NAA11: variants seen among roughly 807,000 people sequenced by gnomAD.
NAA11 encodes N-alpha-acetyltransferase 11.
In NAA11, 15 loss-of-function variants were observed where a neutral mutation model predicts 16.1. That is an observed-to-expected ratio of 0.93 (90% confidence interval 0.62 to 1.44). NAA11 has a LOEUF of 1.44. Ranked by LOEUF, NAA11 falls within the 40% of genes most tolerant of loss-of-function variation. The pLI, the probability that NAA11 is intolerant of heterozygous loss-of-function variation, is 0.00. For synonymous variants in NAA11, 122 were observed against 112.4 expected, an observed-to-expected ratio of 1.09 and a Z score of -0.54; for missense variants, 298 against 291.3, an observed-to-expected ratio of 1.02 and a Z score of -0.17.
At chr4:79,303,074 T>TTTTATATATATATA (rs1319306399) in intron 1 of NAA11, among the ~76,000 whole-genome samples, 3 of 72,284 alleles carry the variant, frequency 4.2e-5, no homozygotes, top group African/African-American at 2.2e-4. Flanking sequence ...TCTTGAGGCC[T>TTTTATATATATATA]TTTATATATA....
At chr4:79,243,136 A>G (rs1374717724) in intron 2 of NAA11, among the ~76,000 whole-genome samples, 1 of 152,214 alleles carries the variant, frequency 6.6e-6, no homozygotes, top group African/African-American at 2.4e-5. Context: ...AGATGCATAC[A>G]TGGTAGAGAG....
rs140597117 is a variant in NAA11 at position 79,226,887 on chromosome 4, A to G, written c.*123-617T>C. ...TATTGTGAGTATTGCCGCAGTAAACATACGTATGCATGAGTCTTTATAGCA... is the reference window on the plus strand; with the variant it reads ...TATTGTGAGTATTGCCGCAGTAAACGTACGTATGCATGAGTCTTTATAGCA... On this transcript the variant is annotated intron_variant and NMD_transcript_variant, in intron 2 of 2. Transcript: ENST00000511542. Among the ~76,000 whole-genome samples, 460 of 152,134 alleles carry G rather than the reference A, an allele frequency of 3.0e-3. 5 individuals carry two copies. Among genetic ancestry groups the G allele is most frequent in the African/African-American group, 0.01 (431 of 41,486 alleles).
chr4:79,163,003 T>G, the NAA11 span, among the ~76,000 whole-genome samples: 1 of 152,208 alleles, frequency 6.6e-6, no homozygotes, highest in Non-Finnish European at 1.5e-5. Flanking sequence ...GGAAACAAAC[T>G]TCAGAGAAAT....
chr4:79,235,308 C>T, intron 2 of NAA11, among the ~76,000 whole-genome samples: 1 of 152,164 alleles, frequency 6.6e-6, no homozygotes, highest in East Asian at 1.9e-4. Flanking sequence ...AAAACTAGCA[C>T]CTCGGAGCCA....
chr4:79,202,647 A>ATATATATATATATATATATATATATATC, the NAA11 span, among the ~76,000 whole-genome samples: 1 of 126,626 alleles, frequency 7.9e-6, no homozygotes, highest in African/African-American at 2.7e-5. Context: ...ATATATATAT[A>ATATATATATATATATATATATATATATC]TATCTGTGTA....
At chr4:79,283,478 T>C (rs1335097115) in intron 2 of NAA11, among the ~76,000 whole-genome samples, 6 of 152,026 alleles carry the variant, frequency 3.9e-5, no homozygotes, top group Admixed American at 3.9e-4. Context: ...AGATTACAGG[T>C]AGTGATGCAG....
intron 2 of NAA11, among the ~76,000 whole-genome samples, chr4:79,262,636 CAAA>C (rs1722266000): frequency 6.6e-6 from 1 of 152,068 alleles, no homozygotes; most frequent in South Asian, 2.1e-4. Context: ...AGCCTAAGGA[CAAA>C]ATGGTAGTAG....
the NAA11 span, among the ~76,000 whole-genome samples, chr4:79,214,868 T>C: frequency 1.3e-5 from 2 of 152,178 alleles, no homozygotes; most frequent in African/African-American, 2.4e-5. Flanking sequence ...CTTGCATTTC[T>C]GCCTTCCACC....
downstream of NAA11, among the ~76,000 whole-genome samples, chr4:79,225,067 GA>G (rs143146099): frequency 3.3e-3 from 495 of 151,352 alleles, 1 homozygote; most frequent in African/African-American, 0.011. Flanking sequence ...AGGACACTAG[GA>G]AAAAAAATAA....
chr4:79,325,628 G>T lies in NAA11; in HGVS notation c.250C>A (p.Leu84Ile). 6.2e-7 allele frequency: 1 copy of T among 1,614,108 alleles called. No individual in the cohort carries two copies. The highest frequency in any genetic ancestry group is 2.2e-5 in the East Asian group (1 of 44,878). The change falls in exon 1 of 2, where the codon CTC (leucine) becomes ATC (isoleucine). Residue 84 changes from leucine to isoleucine, a missense_variant. By Grantham distance (5) the Leu-to-Ile change is conservative. Coordinates refer to ENST00000286794, the MANE Select transcript of NAA11 (RefSeq NM_032693.3). ...TCCATCAGCTTCTGGGCCAGGCCGA[G>T]GCGCCGGTGTGAACGCTTCACGGCC... ...SLAVKRSHRR[L>I]GLAQKLMDQA... is the part of the protein sequence containing the mutation.
intron 2 of NAA11, among the ~76,000 whole-genome samples, chr4:79,251,894 C>T (rs1473707364): frequency 4.6e-5 from 7 of 152,074 alleles, no homozygotes; most frequent in Non-Finnish European, 1.5e-5. Flanking sequence ...CATCTGCACT[C>T]GTATGTTTAC....
chr4:79,325,249 T>C lies in NAA11; in HGVS notation c.629A>G (p.Lys210Arg). The C allele has an allele frequency of 6.2e-7, 1 of 1,613,674 alleles. No homozygotes were observed. The highest frequency in any genetic ancestry group is 8.5e-7 in the Non-Finnish European group (1 of 1,179,740). ...EESGSDSKEP[K>R]ESVESTNVQD... ...GACGTTGGTGCTCTCCACAGACTCC[T>C]TAGGTTCTTTGCTGTCACTGCCACT... Residue 210 changes from lysine to arginine, a missense_variant, in exon 1 of 2, where the codon AAG becomes AGG. By Grantham distance (26) the Lys-to-Arg change is conservative. Coordinates refer to ENST00000286794, the MANE Select transcript of NAA11 (RefSeq NM_032693.3).
rs561693142 is a variant in NAA11, at chr4:79,319,245, G to T, written c.*13-1454C>A. ...GCCCACCCCAAGCCCTTAATGTCTTGCTTATTAAGTTCAAAGTTTTACATT... is the reference window on the plus strand; with the variant it reads ...GCCCACCCCAAGCCCTTAATGTCTTTCTTATTAAGTTCAAAGTTTTACATT... On this transcript the variant is annotated intron_variant, in intron 1 of 1. Coordinates refer to ENST00000286794, the MANE Select transcript of NAA11 (RefSeq NM_032693.3). 2.6e-5 allele frequency among the ~76,000 whole-genome samples: 4 copies of T among 152,220 alleles called. No individual in the cohort carries two copies. In the South Asian group the frequency reaches 8.3e-4, roughly 32 times the overall value.
At chr4:79,268,478 T>G (rs1283374590) in intron 2 of NAA11, among the ~76,000 whole-genome samples, 1 of 152,032 alleles carries the variant, frequency 6.6e-6, no homozygotes, top group African/African-American at 2.4e-5. Flanking sequence ...CGGAGAAGAG[T>G]TCTTTACTGT....
intron 2 of NAA11, among the ~76,000 whole-genome samples, chr4:79,284,170 A>T (rs950279582): frequency 6.6e-6 from 1 of 152,092 alleles, no homozygotes. Flanking sequence ...ATTTAGCTCA[A>T]CTTTTATCCA....
At chr4:79,318,267 A>C (rs985517470) in intron 1 of NAA11, among the ~76,000 whole-genome samples, 11 of 152,180 alleles carry the variant, frequency 7.2e-5, no homozygotes, top group African/African-American at 2.7e-4. Context: ...TATAAGTCAT[A>C]TTTTCTTTCT....
chr4:79,170,975 G>A, the NAA11 span, among the ~76,000 whole-genome samples: 1 of 151,970 alleles, frequency 6.6e-6, no homozygotes, highest in Non-Finnish European at 1.5e-5. Flanking sequence ...AGCTATGAAA[G>A]ATTCTTTTAG....
chr4:79,288,898 A>C (rs1723011784), intron 2 of NAA11, among the ~76,000 whole-genome samples: 1 of 152,198 alleles, frequency 6.6e-6, no homozygotes, highest in Non-Finnish European at 1.5e-5. Context: ...AGGATGCTGT[A>C]ATATTGTCTT....
chr4:79,158,780 G>A, the NAA11 span, among the ~76,000 whole-genome samples: 1 of 149,120 alleles, frequency 6.7e-6, no homozygotes. Context: ...TAGACCAATG[G>A]AACAGAATAG....
Sources: allele counts gnomAD v4.1 joint callset (sites outside exome capture counted in the v4.1 genomes callset), GRCh38; gene constraint gnomAD v4.1.1; transcripts MANE v1.5; gene names NCBI Gene and HGNC (gene_info 2026-07-23, HGNC 2026-07-21).